STX3: variants seen among roughly 807,000 people sequenced by gnomAD.
The protein encoded by STX3 is syntaxin-3.
In STX3, 19 loss-of-function variants were observed where a neutral mutation model predicts 40.2. That is an observed-to-expected ratio of 0.47 (90% CI 0.33 to 0.69). The LOEUF is 0.69. Ranked by LOEUF, STX3 falls within the 30% of genes least tolerant of loss-of-function variation. The pLI, the probability that STX3 is intolerant of heterozygous loss-of-function variation, is 0.02. For synonymous variants in STX3, 122 were observed against 132.2 expected, an observed-to-expected ratio of 0.92 and a Z score of 0.53; for missense variants, 364 against 366.7, an observed-to-expected ratio of 0.99 and a Z score of 0.06.
In STX3 at chr11:59,803,140, A is replaced by G. The variant is rs1865958480; in HGVS notation, c.*2316A>G. 4 of 1,230,596 alleles carry G rather than the reference A, an allele frequency of 3.3e-6. No individual in the cohort carries two copies. The highest frequency in any genetic ancestry group is 1.6e-5 in the African/African-American group (1 of 64,348). 76.2% of individuals were successfully genotyped at this position (1,230,596 alleles called of 1,614,324 possible). On this transcript the variant is annotated 3_prime_UTR_variant, in exon 11 of 11. Transcript: ENST00000337979. The stretch of plus-strand genomic sequence containing the variant: ...CCTTCACACCCTCTTCCATGTCCAC[A>G]TGCACTTATCTCCCTGCAGAATACT...
intron 4 of STX3, 24 bp downstream of exon 4, chr11:59,788,971 A>G (rs367674892): frequency 1.3e-6 from 2 of 1,592,618 alleles, no homozygotes; most frequent in Non-Finnish European, 1.7e-6. Context: ...AAAGAAAACA[A>G]GGCCGTCCCC....
At chr11:59,762,529 T>C (rs1254872410) in intron 1 of STX3, among the ~76,000 whole-genome samples, 2 of 152,350 alleles carry the variant, frequency 1.3e-5, no homozygotes, top group African/African-American at 2.4e-5. Flanking sequence ...GTCACTGTTA[T>C]TTAAGTATTC....
rs17154203 is a variant in STX3, at chr11:59,801,470, T to C, written c.*646T>C. 0.027 allele frequency: 26,516 copies of C among 986,272 alleles called. 1,136 individuals are homozygous for C. The highest frequency in any genetic ancestry group is 0.17 in the African/African-American group (9,787 of 57,328). 61.1% of individuals were successfully genotyped at this position (986,272 alleles called of 1,614,324 possible). A position where few individuals can be genotyped will look rare whatever the true frequency, so the allele number is the denominator to read the frequency against. On this transcript the variant is annotated 3_prime_UTR_variant, in exon 11 of 11. Coordinates refer to ENST00000337979, the MANE Select transcript of STX3 (RefSeq NM_004177.5). ...GCAACTTTGATTTTTCTCTGTGTTG[T>C]AGTCTCTCATATTTACTCAAGGAGG...
intron 1 of STX3, among the ~76,000 whole-genome samples, chr11:59,756,247 C>A (rs1862710851): frequency 6.6e-6 from 1 of 152,144 alleles, no homozygotes; most frequent in African/African-American, 2.4e-5. Context: ...GCCTTGGCTG[C>A]GCAAAAGCTG....
chr11:59,775,646 G>A (rs1455599451), intron 2 of STX3, among the ~76,000 whole-genome samples: 1 of 152,144 alleles, frequency 6.6e-6, no homozygotes, highest in Non-Finnish European at 1.5e-5. Context: ...GTCCTGCTCT[G>A]GAAATTGGGA....
chr11:59,769,716 G>A (rs1863469255), intron 1 of STX3, among the ~76,000 whole-genome samples: 1 of 152,138 alleles, frequency 6.6e-6, no homozygotes, highest in Non-Finnish European at 1.5e-5. Flanking sequence ...CATGCTCCAG[G>A]TCACAGTTGT....
At chr11:59,800,814 T>C in intron 10 of STX3, 41 bp from the exon 11 acceptor site, 1 of 1,536,128 alleles carries the variant, frequency 6.5e-7, no homozygotes, top group Non-Finnish European at 8.7e-7. Flanking sequence ...CTTTGCCTTC[T>C]TCCTGTGTAC....
At chr11:59,789,602 A>G (rs1412056331) in intron 4 of STX3, among the ~76,000 whole-genome samples, 4 of 152,042 alleles carry the variant, frequency 2.6e-5, no homozygotes, top group African/African-American at 2.4e-5. Flanking sequence ...CACCACGCTC[A>G]GTCAATTTTT....
intron 1 of STX3, among the ~76,000 whole-genome samples, chr11:59,757,323 C>T (rs977396529): frequency 6.6e-6 from 1 of 152,106 alleles, no homozygotes; most frequent in East Asian, 1.9e-4. Flanking sequence ...TCGGCACACC[C>T]AGCAACCATA....
At chr11:59,782,276 T>C (rs1221565001) in intron 2 of STX3, among the ~76,000 whole-genome samples, 1 of 152,240 alleles carries the variant, frequency 6.6e-6, no homozygotes, top group African/African-American at 2.4e-5. Context: ...TTAGATTTCC[T>C]TGGGTGGCTA....
At position 59,801,927 on chromosome 11, in the gene STX3, A is replaced by C. The variant is rs1865902113; in HGVS notation, c.*1103A>C. On this transcript the variant is annotated 3_prime_UTR_variant, in exon 11 of 11. Transcript: ENST00000337979. ...AATGTGATCTTCCCATATCATCAAG[A>C]AACTTGTTTTCTGGATGAATACTGG... is the stretch of plus-strand genomic sequence containing the variant. 2.0e-6 allele frequency: 2 copies of C among 985,356 alleles called. No homozygotes were observed. The highest frequency in any genetic ancestry group is 1.2e-4 in the Admixed American group (2 of 16,262). The allele number at this position is 985,356 out of a possible 1,614,324, so 61.0% of individuals were successfully genotyped here. A position where few individuals can be genotyped will look rare whatever the true frequency, so the allele number is the denominator to read the frequency against.
At position 59,791,488 on chromosome 11, in the gene STX3, G is replaced by C. The variant is rs192530639; in HGVS notation, c.358-619G>C. 1.3e-5 allele frequency among the ~76,000 whole-genome samples: 2 copies of C among 152,156 alleles called. 1 individual carries two copies. The highest frequency in any genetic ancestry group is 4.1e-4 in the South Asian group (2 of 4,828). ...GTGGGAAAGAAGCAGGAAACTGGAA[G>C]GTCCCTAGTTAGGTTTTTGCAAGGG... is the stretch of plus-strand genomic sequence containing the variant. On this transcript the variant is annotated intron_variant, in intron 5 of 10. Coordinates refer to ENST00000337979, the MANE Select transcript of STX3 (RefSeq NM_004177.5).
intron 2 of STX3, among the ~76,000 whole-genome samples, chr11:59,777,688 C>T (rs1205377397): frequency 6.6e-6 from 1 of 152,198 alleles, no homozygotes; most frequent in East Asian, 1.9e-4. Context: ...GTCAGCATCA[C>T]TGTGATCCTC....
intron 2 of STX3, among the ~76,000 whole-genome samples, chr11:59,781,085 CTT>C (rs67745750): frequency 1.2e-3 from 141 of 115,968 alleles, no homozygotes; most frequent in African/African-American, 4.1e-3. Flanking sequence ...CATTTGTTTT[CTT>C]TTTTTTTTTT....
At chr11:59,755,037 C>G (rs1862632960), upstream of STX3, 1 of 152,324 alleles carries the variant, frequency 6.6e-6, no homozygotes, top group Admixed American at 6.5e-5. Context: ...GCCCACATCA[C>G]ATTGTCTTAT....
At position 59,803,278 on chromosome 11, in the gene STX3, G is replaced by T; in HGVS notation, c.*2454G>T. 9 of 1,231,658 alleles carry T rather than the reference G, an allele frequency of 7.3e-6. No individual in the cohort carries two copies. The highest frequency in any genetic ancestry group is 9.1e-6 in the Non-Finnish European group (9 of 987,960). 76.3% of individuals were successfully genotyped at this position (1,231,658 alleles called of 1,614,324 possible). A position where few individuals can be genotyped will look rare whatever the true frequency, so the allele number is the denominator to read the frequency against. On this transcript the variant is annotated 3_prime_UTR_variant, in exon 11 of 11. Coordinates refer to ENST00000337979, the MANE Select transcript of STX3 (RefSeq NM_004177.5). ...TGCGATCATCTTAGCTTCCACCATT[G>T]GGAGCATATTTGCCTGAAAAAGGTG...
At chr11:59,775,322 C>G (rs1863903286) in intron 2 of STX3, among the ~76,000 whole-genome samples, 1 of 152,116 alleles carries the variant, frequency 6.6e-6, no homozygotes. Context: ...AATTGTGGAT[C>G]GTGGAAGGAC....
intron 1 of STX3, among the ~76,000 whole-genome samples, chr11:59,769,371 G>A (rs987030247): frequency 1.3e-5 from 2 of 152,138 alleles, no homozygotes; most frequent in Non-Finnish European, 2.9e-5. Flanking sequence ...GCGGGGTTAG[G>A]CGCTGATGTA....
intron 1 of STX3, among the ~76,000 whole-genome samples, chr11:59,763,886 C>T (rs765670634): frequency 1.3e-5 from 2 of 152,006 alleles, no homozygotes; most frequent in Admixed American, 6.6e-5. Context: ...GGCATGGTGG[C>T]GCATGCCTGT....
Sources: gnomAD v4.1 joint callset for allele counts (sites outside exome capture counted in the v4.1 genomes callset) on GRCh38, gnomAD v4.1.1 for gene constraint, MANE v1.5 for transcripts, NCBI Gene and HGNC (gene_info 2026-07-23, HGNC 2026-07-21) for gene names.